Variants in PIP4K2A observed in about 807,000 individuals in gnomAD.
PIP4K2A encodes phosphatidylinositol 5-phosphate 4-kinase type-2 alpha.
A neutral mutation model predicts 42.9 loss-of-function variants in PIP4K2A; 14 were observed. That is an observed-to-expected ratio of 0.33 (90% CI 0.22 to 0.51). The LOEUF (loss-of-function observed/expected upper bound fraction) is 0.51, where lower values mean the gene tolerates loss of function less well. Ranked by LOEUF, PIP4K2A falls within the 20% of genes least tolerant of loss-of-function variation. The probability of loss-of-function intolerance (pLI) is 0.97; values close to 1 mark genes in which losing one functional copy is unlikely to be tolerated. For missense variants in PIP4K2A, 434 were observed against 519.8 expected, an observed-to-expected ratio of 0.83 and a Z score of 1.61; for synonymous variants, 192 against 192.2, an observed-to-expected ratio of 1.00 and a Z score of 0.01.
In PIP4K2A at chr10:22,554,550, T is replaced by C. The variant is rs1183397668; in HGVS notation, c.679-3778A>G. 3.9e-5 allele frequency among the ~76,000 whole-genome samples: 6 copies of C among 152,154 alleles called. 1 individual carries two copies. Among genetic ancestry groups the C allele is most frequent in the Admixed American group, 3.9e-4 (6 of 15,282 alleles). ...GTTCAGTGCAGAAACAGCCAGAGGG[T>C]GGAAGAAACCCCCAGGGCTAACTAA... On this transcript the variant is annotated intron_variant, in intron 6 of 9. Coordinates refer to ENST00000376573, the MANE Select transcript of PIP4K2A (RefSeq NM_005028.5).
chr10:22,661,452 G>T (rs1839203861), intron 1 of PIP4K2A, among the ~76,000 whole-genome samples: 1 of 151,224 alleles, frequency 6.6e-6, no homozygotes, highest in South Asian at 2.1e-4. Flanking sequence ...GAACTCCTGG[G>T]CTCAAGTGAT....
chr10:22,592,637 T>C (rs1314050045), intron 3 of PIP4K2A, among the ~76,000 whole-genome samples: 2 of 152,176 alleles, frequency 1.3e-5, no homozygotes, highest in African/African-American at 2.4e-5. Flanking sequence ...ACTGGCTAGG[T>C]AGGTCTACCC....
At chr10:22,610,715 G>A (rs1342473802) in intron 1 of PIP4K2A, among the ~76,000 whole-genome samples, 2 of 152,172 alleles carry the variant, frequency 1.3e-5, no homozygotes, top group South Asian at 2.1e-4. Context: ...GAGGGACTCC[G>A]AGGACAAATG....
intron 1 of PIP4K2A, among the ~76,000 whole-genome samples, chr10:22,627,592 A>T (rs866654035): frequency 0.016 from 297 of 18,144 alleles, 2 homozygotes; most frequent in South Asian, 0.032. Flanking sequence ...AATATGTAAT[A>T]AAAAAAAAAA....
chr10:22,612,099 A>C (rs1040737000), intron 1 of PIP4K2A, among the ~76,000 whole-genome samples: 1 of 152,238 alleles, frequency 6.6e-6, no homozygotes, highest in Non-Finnish European at 1.5e-5. Context: ...AACTTCAGCC[A>C]ACATGGAATG....
chr10:22,713,938 G>T, intron 1 of PIP4K2A: 1 of 360,108 alleles, frequency 2.8e-6, no homozygotes, highest in Non-Finnish European at 5.1e-6. Context: ...AGACTCACAT[G>T]CACACGGGAC....
intron 4 of PIP4K2A, among the ~76,000 whole-genome samples, chr10:22,576,314 G>A (rs1299687748): frequency 2.6e-5 from 4 of 152,170 alleles, no homozygotes; most frequent in Non-Finnish European, 4.4e-5. Context: ...AGCACGATGC[G>A]CTGTTGTAGG....
intron 1 of PIP4K2A, among the ~76,000 whole-genome samples, chr10:22,697,602 A>G (rs893690878): frequency 1.3e-5 from 2 of 152,138 alleles, no homozygotes; most frequent in Non-Finnish European, 1.5e-5. Flanking sequence ...GCACACAACT[A>G]TAGTCCCAGC....
At chr10:22,604,257 TAAG>T (rs773788731) in intron 3 of PIP4K2A, among the ~76,000 whole-genome samples, 1 of 152,170 alleles carries the variant, frequency 6.6e-6, no homozygotes, top group Non-Finnish European at 1.5e-5. Context: ...AAAAACTTTT[TAAG>T]AAGTTTAAAT....
intron 1 of PIP4K2A, among the ~76,000 whole-genome samples, chr10:22,673,852 T>TA (rs781103312): frequency 1.3e-3 from 194 of 152,174 alleles, no homozygotes; most frequent in Non-Finnish European, 2.6e-3. Flanking sequence ...TCTTCAGTAA[T>TA]ACACTGGATG....
At chr10:22,667,954 GAGACAGACAGAA>G (rs1839381724) in intron 1 of PIP4K2A, among the ~76,000 whole-genome samples, 2 of 149,438 alleles carry the variant, frequency 1.3e-5, no homozygotes. Flanking sequence ...GACAGAGAGA[GAGACAGACAGAA>G]AGACAGACAG....
chr10:22,546,415 G>A (rs759639189), intron 7 of PIP4K2A, among the ~76,000 whole-genome samples: 7 of 152,134 alleles, frequency 4.6e-5, no homozygotes, highest in South Asian at 2.1e-4. Context: ...TCTTCAAAAC[G>A]TTAAATTTCT....
chr10:22,604,317 G>A (rs2559523), intron 3 of PIP4K2A, among the ~76,000 whole-genome samples: 114,909 of 151,946 alleles, frequency 0.76, 45,993 homozygotes, highest in East Asian at 0.9. Context: ...ACCATGCTCT[G>A]CTTTAATCAG....
intron 1 of PIP4K2A, among the ~76,000 whole-genome samples, chr10:22,675,971 A>G (rs1839549401): frequency 6.6e-6 from 1 of 152,212 alleles, no homozygotes; most frequent in South Asian, 2.1e-4. Context: ...CTCAACAACC[A>G]TTAACAGGGA....
At chr10:22,573,786 C>T (rs1295696877) in intron 4 of PIP4K2A, among the ~76,000 whole-genome samples, 1 of 152,234 alleles carries the variant, frequency 6.6e-6, no homozygotes, top group African/African-American at 2.4e-5. Context: ...GGATATTACA[C>T]TCCACCTAGC....
chr10:22,569,191 A>C (rs1836921330), intron 5 of PIP4K2A: 1 of 684,548 alleles, frequency 1.5e-6, no homozygotes, highest in South Asian at 1.7e-5. Flanking sequence ...GGGAGCCAAG[A>C]CCAGGCTGGG....
intron 1 of PIP4K2A, among the ~76,000 whole-genome samples, chr10:22,647,310 GTGTGTGTGTGTGTA>G (rs1224929878): frequency 2.2e-5 from 3 of 137,386 alleles, no homozygotes; most frequent in Non-Finnish European, 3.4e-5. Flanking sequence ...TCTAAATACT[GTGTGTGTGTGTGTA>G]TGTGTGTGTG....
chr10:22,694,928 C>G (rs976538099), intron 1 of PIP4K2A, among the ~76,000 whole-genome samples: 1 of 152,184 alleles, frequency 6.6e-6, no homozygotes, highest in Non-Finnish European at 1.5e-5. Context: ...AAATTTTTAT[C>G]TAACTGGTGG....
At chr10:22,573,798 C>G (rs1837046190) in intron 4 of PIP4K2A, among the ~76,000 whole-genome samples, 1 of 152,228 alleles carries the variant, frequency 6.6e-6, no homozygotes. Flanking sequence ...CCACCTAGCG[C>G]CTCTGTCTTC....
Sources: gnomAD v4.1 joint callset for allele counts (sites outside exome capture counted in the v4.1 genomes callset) on GRCh38, gnomAD v4.1.1 for gene constraint, MANE v1.5 for transcripts, NCBI Gene and HGNC (gene_info 2026-07-23, HGNC 2026-07-21) for gene names.